The following MSH5 variants were observed in gnomAD, a reference collection of about 807,000 sequenced individuals.
The protein encoded by MSH5 is mutS homolog 5.
Under a neutral mutation model 107.7 loss-of-function variants are expected in MSH5, and 78 were observed. The observed-to-expected ratio is 0.72, with a 90% confidence interval of 0.60 to 0.87. The LOEUF is 0.87. MSH5 is among the 40% of genes least tolerant of loss of function. The pLI, the probability that MSH5 is intolerant of heterozygous loss-of-function variation, is 0.00. For missense variants in MSH5, 889 were observed against 1,046.6 expected (o/e 0.85, Z 2.08); for synonymous variants, 326 against 399.5 (o/e 0.82, Z 2.19).
rs1810943728 is a variant in MSH5 at position 31,761,069 on chromosome 6, T to G, written c.1963-119T>G. 2 of 1,088,806 alleles carry G rather than the reference T, an allele frequency of 1.8e-6. No homozygotes were observed. The highest frequency in any genetic ancestry group is 3.0e-5 in the South Asian group (2 of 67,008). 67.4% of individuals were successfully genotyped at this position (1,088,806 alleles called of 1,614,324 possible). On this transcript the variant is annotated intron_variant, in intron 20 of 24. Coordinates refer to ENST00000375750, the MANE Select transcript of MSH5 (RefSeq NM_172166.4). The surrounding 1 kb of genome is among the most constrained non-coding windows in gnomAD (Gnocchi z 5.3). ...ATGAACAAAGCGTGCACCTCACCAT[T>G]CAAGAACTTGCAGTGCAGTAGGGAG...
intron 12 of MSH5, among the ~76,000 whole-genome samples, chr6:31,754,421 A>T (rs1402024245): frequency 6.6e-6 from 1 of 152,156 alleles, no homozygotes; most frequent in African/African-American, 2.4e-5. Context: ...AAGTGCTAGG[A>T]TTATAGGTGG....
At chr6:31,755,080 A>G (rs1462970820) in intron 12 of MSH5, among the ~76,000 whole-genome samples, 1 of 152,100 alleles carries the variant, frequency 6.6e-6, no homozygotes, top group Admixed American at 6.5e-5. Flanking sequence ...CTAAAAGAAA[A>G]TTATTTTTTA....
Position 31,760,281 on chromosome 6 carries a change from A to G in MSH5, c.1812+65A>G. 6.6e-7 allele frequency: 1 copy of G among 1,516,140 alleles called. No individual in the cohort carries two copies. Among genetic ancestry groups the G allele is most frequent in the Non-Finnish European group, 8.8e-7 (1 of 1,136,236 alleles). The allele number at this position is 1,516,140 out of a possible 1,614,324, so 93.9% of individuals were successfully genotyped here. Reference sequence around the variant, plus strand: ...TGCATCTACTCCACCCCTACTTGCCAGCCAACTCAGGCTCCTGCAGCTCTT... The same window carrying G: ...TGCATCTACTCCACCCCTACTTGCCGGCCAACTCAGGCTCCTGCAGCTCTT... On this transcript the variant is annotated intron_variant, in intron 19 of 24. Transcript: ENST00000375750. This position sits in a 1 kb window ranked among gnomAD's most constrained non-coding sequence, Gnocchi z 5.6.
chr6:31,754,578 CAT>C (rs1316312850), intron 12 of MSH5, among the ~76,000 whole-genome samples: 1 of 152,040 alleles, frequency 6.6e-6, no homozygotes, highest in Non-Finnish European at 1.5e-5. Flanking sequence ...GTGGTGCAGT[CAT>C]ATTTCATTGC....
At chr6:31,748,551 G>C (rs1229127424) in intron 10 of MSH5, among the ~76,000 whole-genome samples, 2 of 151,728 alleles carry the variant, frequency 1.3e-5, no homozygotes, top group Non-Finnish European at 2.9e-5. Flanking sequence ...GTTTCACCAT[G>C]TTGGTCAGGC....
Position 31,758,097 on chromosome 6 carries a change from T to G in MSH5, c.1015-68T>G, listed in dbSNP as rs753570773. ...CCCTACTGGTCTTTGTTCTTCTGAG[T>G]CTGTCCCTATCACCACCTCAACCCG... is the stretch of plus-strand genomic sequence containing the variant. On this transcript the variant is annotated intron_variant, in intron 12 of 24. Coordinates refer to ENST00000375750, the MANE Select transcript of MSH5 (RefSeq NM_172166.4). The surrounding 1 kb of genome is among the most constrained non-coding windows in gnomAD (Gnocchi z 5.1). 1.3e-6 allele frequency: 2 copies of G among 1,595,228 alleles called. No homozygotes were observed. The highest frequency in any genetic ancestry group is 8.6e-7 in the Non-Finnish European group (1 of 1,166,522).
chr6:31,741,332 G>A, intron 3 of MSH5, 46 bp downstream of exon 3: 1 of 1,317,188 alleles, frequency 7.6e-7, no homozygotes, highest in Admixed American at 1.8e-5. Flanking sequence ...GATTGCAGAT[G>A]TGTTACACAC....
At chr6:31,743,821 C>T in intron 5 of MSH5, 83 bp from the exon 6 acceptor site, 1 of 1,557,306 alleles carries the variant, frequency 6.4e-7, no homozygotes, top group Non-Finnish European at 8.7e-7. Flanking sequence ...AATAATCTCT[C>T]TTGCTTCTAT....
Position 31,758,896 on chromosome 6 carries a change from G to T in MSH5, c.1326+21G>T. ...CTCTGGTGAGGGCAGGAGAGTGGGT[G>T]TAGCCTTCAGATGTCTTTTGGGGGA... On this transcript the variant is annotated intron_variant, in intron 15 of 24. Coordinates refer to ENST00000375750, the MANE Select transcript of MSH5 (RefSeq NM_172166.4). The surrounding 1 kb of genome is among the most constrained non-coding windows in gnomAD (Gnocchi z 5.1). The T allele has an allele frequency of 1.3e-6, 2 of 1,592,758 alleles. No homozygotes were observed. Among genetic ancestry groups the T allele is most frequent in the Non-Finnish European group, 1.7e-6 (2 of 1,160,606 alleles).
chr6:31,748,816 T>C (rs1809698347), intron 10 of MSH5, among the ~76,000 whole-genome samples: 1 of 152,082 alleles, frequency 6.6e-6, no homozygotes, highest in Non-Finnish European at 1.5e-5. Flanking sequence ...CCCTTCTAAG[T>C]CCTTTCCTAC....
At chr6:31,746,595 T>G (rs1235568374) in intron 9 of MSH5, among the ~76,000 whole-genome samples, 2 of 151,348 alleles carry the variant, frequency 1.3e-5, no homozygotes, top group African/African-American at 2.4e-5. Flanking sequence ...ACTACAGGCC[T>G]GCACCACCAT....
In MSH5 at chr6:31,740,063, G is replaced by T; in HGVS notation, c.-14+1G>T. On this transcript the variant is annotated splice_donor_variant, in intron 1 of 24. Transcript: ENST00000375750. LOFTEE classifies it low-confidence loss of function (5UTR_SPLICE). This position sits in a 1 kb window ranked among gnomAD's most constrained non-coding sequence, Gnocchi z 4.4. ...CGTTCTCCCACCTGTAGCGACTCAGGTTACTGAAAAGGCGGGAAAACGCTG... is the reference window on the plus strand; with the variant it reads ...CGTTCTCCCACCTGTAGCGACTCAGTTTACTGAAAAGGCGGGAAAACGCTG... 2 of 162,480 alleles carry T rather than the reference G, an allele frequency of 1.2e-5. No homozygotes were observed. Among genetic ancestry groups the T allele is most frequent in the South Asian group, 3.6e-4 (2 of 5,576 alleles). The allele number at this position is 162,480 out of a possible 1,614,324, so 10.1% of individuals were successfully genotyped here.
At chr6:31,749,116 A>G (rs1003964588) in intron 10 of MSH5, among the ~76,000 whole-genome samples, 4 of 151,820 alleles carry the variant, frequency 2.6e-5, no homozygotes, top group African/African-American at 4.8e-5. Flanking sequence ...GGATTTCACC[A>G]TGTTGGCCAC....
chr6:31,753,377 C>A lies in MSH5; in HGVS notation c.889C>A (p.Pro297Thr). 6.2e-7 allele frequency: 1 copy of A among 1,614,160 alleles called. No homozygotes were observed. The highest frequency in any genetic ancestry group is 8.5e-7 in the Non-Finnish European group (1 of 1,180,026). ...RLDVIQFFLL[P>T]QNLDMAQMLH... is the part of the protein sequence containing the mutation. ...GGACGTCATTCAGTTTTTTCTGCTG[C>A]CCCAGAATCTGGACATGGCTCAGAT... Residue 297 changes from proline to threonine, a missense_variant, in exon 11 of 25, where the codon CCC becomes ACC. By Grantham distance (38) the Pro-to-Thr change is conservative. Coordinates refer to ENST00000375750, the MANE Select transcript of MSH5 (RefSeq NM_172166.4).
chr6:31,741,180 G>A lies in MSH5; in HGVS notation c.165G>A (p.Leu55=). Reference sequence around the variant, plus strand: ...CTGGACAGATCCATCTGTGTGTGCTGTGGAATTCAGGATACTTGGGCATTG... The same window carrying A: ...CTGGACAGATCCATCTGTGTGTGCTATGGAATTCAGGATACTTGGGCATTG... ...EELAEIHLCV[L]WNSGYLGIAY... The change falls in exon 3 of 25, where the codon CTG becomes CTA. Residue 55 remains leucine, a synonymous_variant. Transcript: ENST00000375750. 1 of 1,612,912 alleles carries A rather than the reference G, an allele frequency of 6.2e-7. No homozygotes were observed. Among genetic ancestry groups the A allele is most frequent in the Non-Finnish European group, 8.5e-7 (1 of 1,180,002 alleles).
Position 31,760,558 on chromosome 6 carries a change from C to A in MSH5, c.1813-132C>A. The A allele has an allele frequency of 8.3e-7, 1 of 1,208,226 alleles. No homozygotes were observed. Among genetic ancestry groups the A allele is most frequent in the Non-Finnish European group, 1.2e-6 (1 of 829,010 alleles). The allele number at this position is 1,208,226 out of a possible 1,614,324, so 74.8% of individuals were successfully genotyped here. ...AGGATTCGGGGAGGAGAGACAGAGT[C>A]AGTGTGTCTGTTACCTATTTCTCCT... On this transcript the variant is annotated intron_variant, in intron 19 of 24. Coordinates refer to ENST00000375750, the MANE Select transcript of MSH5 (RefSeq NM_172166.4). The surrounding 1 kb of genome is among the most constrained non-coding windows in gnomAD (Gnocchi z 5.6).
At chr6:31,743,385 TA>T in intron 5 of MSH5, 1 of 606,914 alleles carries the variant, frequency 1.6e-6, no homozygotes, top group Admixed American at 3.0e-5. Flanking sequence ...AAGTCATGTC[TA>T]GGGATGAGGG....
Position 31,745,332 on chromosome 6 carries a change from C to T in MSH5, c.766+13C>T. ...CTCAGCCTCTTTGGTAGGTGTGCCC[C>T]ATCCCTCATCTCACATTACAAAGAC... On this transcript the variant is annotated intron_variant, in intron 9 of 24. Coordinates refer to ENST00000375750, the MANE Select transcript of MSH5 (RefSeq NM_172166.4). 6.3e-7 allele frequency: 1 copy of T among 1,586,474 alleles called. No homozygotes were observed. Among genetic ancestry groups the T allele is most frequent in the Non-Finnish European group, 8.7e-7 (1 of 1,155,844 alleles).
In MSH5 at chr6:31,758,618, A is replaced by AGAGT; in HGVS notation, c.1216+4_1216+7dup. On this transcript the variant is annotated frameshift_variant and splice_region_variant, in exon 14 of 25. Coordinates refer to ENST00000375750, the MANE Select transcript of MSH5 (RefSeq NM_172166.4). LOFTEE classifies it high-confidence loss of function. This position sits in a 1 kb window ranked among gnomAD's most constrained non-coding sequence, Gnocchi z 5.1. ...CCCAACATAGATCCTGAAATTGATG[A>AGAGT]GAGTGAGTGTTGGGTGTGGATGGGC... 1 of 1,614,028 alleles carries AGAGT rather than the reference A, an allele frequency of 6.2e-7. No individual in the cohort carries two copies. The highest frequency in any genetic ancestry group is 8.5e-7 in the Non-Finnish European group (1 of 1,180,024).
Sources: allele counts gnomAD v4.1 joint callset (sites outside exome capture counted in the v4.1 genomes callset), GRCh38; gene constraint gnomAD v4.1.1; non-coding constraint Gnocchi (gnomAD v3.1); transcripts MANE v1.5; gene names NCBI Gene and HGNC (gene_info 2026-07-23, HGNC 2026-07-21).